Variants in CDYL2 observed in about 807,000 individuals in gnomAD.
CDYL2 encodes the protein chromodomain Y like 2.
In CDYL2, 23 loss-of-function variants were observed where a neutral mutation model predicts 49.4. The observed-to-expected ratio is 0.47, with a 90% confidence interval of 0.34 to 0.66. CDYL2 has a LOEUF of 0.66. Among genes scored for constraint, CDYL2 ranks in the 30% least tolerant of loss-of-function variants. The pLI is 0.01. For missense variants in CDYL2, 678 were observed against 656.4 expected (o/e 1.03, Z -0.36); for synonymous variants, 360 against 268.8 (o/e 1.34, Z -3.32).
chr16:80,650,062 A>G (rs1156853168), intron 2 of CDYL2, among the ~76,000 whole-genome samples: 2 of 152,180 alleles, frequency 1.3e-5, no homozygotes, highest in Admixed American at 6.5e-5. Flanking sequence ...GTCTACGCAA[A>G]AATTTCCTGA....
At chr16:80,661,063 G>C (rs1909023440) in intron 2 of CDYL2, among the ~76,000 whole-genome samples, 2 of 152,106 alleles carry the variant, frequency 1.3e-5, no homozygotes, top group African/African-American at 4.8e-5. Context: ...ATGCAAATAA[G>C]TTTTCAGAAA....
At chr16:80,659,051 T>TGATGGATGGATG (rs57221086) in intron 2 of CDYL2, among the ~76,000 whole-genome samples, 2 of 149,964 alleles carry the variant, frequency 1.3e-5, no homozygotes, top group South Asian at 2.1e-4. Flanking sequence ...ACGATAGAGG[T>TGATGGATGGATG]GATGGATGGA....
intron 2 of CDYL2, among the ~76,000 whole-genome samples, chr16:80,666,422 T>C (rs1269877970): frequency 6.6e-6 from 1 of 152,090 alleles, no homozygotes; most frequent in Non-Finnish European, 1.5e-5. Flanking sequence ...CTGCGCAAAA[T>C]ACAGAGGCTG....
intron 1 of CDYL2, among the ~76,000 whole-genome samples, chr16:80,744,491 G>A (rs1003426295): frequency 1.3e-5 from 2 of 152,048 alleles, no homozygotes; most frequent in Non-Finnish European, 2.9e-5. Flanking sequence ...CCAAAAGAAG[G>A]AAAAAAAGAA....
intron 1 of CDYL2, among the ~76,000 whole-genome samples, chr16:80,750,616 TAG>T (rs1906098522): frequency 1.3e-5 from 2 of 152,118 alleles, no homozygotes; most frequent in South Asian, 4.1e-4. Context: ...TCAAAATTAT[TAG>T]AGAGGAGGGA....
chr16:80,723,571 A>G (rs551236633), intron 1 of CDYL2, among the ~76,000 whole-genome samples: 1 of 152,336 alleles, frequency 6.6e-6, no homozygotes, highest in South Asian at 2.1e-4. Flanking sequence ...TCCCAATGAG[A>G]TACTGATTCC....
At chr16:80,774,771 G>C (rs1907026134) in intron 1 of CDYL2, among the ~76,000 whole-genome samples, 1 of 151,844 alleles carries the variant, frequency 6.6e-6, no homozygotes, top group African/African-American at 2.4e-5. Context: ...ATGAAACACA[G>C]TATACTCAAG....
chr16:80,798,521 T>C (rs1330265858), intron 1 of CDYL2, among the ~76,000 whole-genome samples: 1 of 152,252 alleles, frequency 6.6e-6, no homozygotes, highest in Non-Finnish European at 1.5e-5. Flanking sequence ...TTCTATTCCT[T>C]ATGATTTTTC....
rs78906357 is a variant in CDYL2, at chr16:80,724,820, G to T, written c.25-39691C>A. Among the ~76,000 whole-genome samples, 365 of 152,274 alleles carry T rather than the reference G, an allele frequency of 2.4e-3. 1 individual carries two copies. The highest frequency in any genetic ancestry group is 3.9e-3 in the Non-Finnish European group (262 of 68,018). ...CCAAACCTCTCACCCAGACCTTTGT[G>T]GCAGCTTCCCACATGGTCTTCTTGT... On this transcript the variant is annotated intron_variant, in intron 1 of 6. Transcript: ENST00000570137.
chr16:80,804,674 C>T (rs1908047047), upstream of CDYL2, among the ~76,000 whole-genome samples: 1 of 146,804 alleles, frequency 6.8e-6, no homozygotes, highest in Non-Finnish European at 1.5e-5. Flanking sequence ...CGGCCGCGCC[C>T]CGGGGGACCG....
chr16:80,747,583 G>A (rs897166135), intron 1 of CDYL2, among the ~76,000 whole-genome samples: 4 of 152,128 alleles, frequency 2.6e-5, no homozygotes, highest in Non-Finnish European at 5.9e-5. Context: ...GTAGCTGGTG[G>A]GAATGGGGTG....
intron 1 of CDYL2, among the ~76,000 whole-genome samples, chr16:80,731,065 G>A (rs371135944): frequency 8.5e-5 from 13 of 152,230 alleles, no homozygotes; most frequent in African/African-American, 2.9e-4. Flanking sequence ...ATATGTCAAA[G>A]CTTATCAAAT....
intron 1 of CDYL2, among the ~76,000 whole-genome samples, chr16:80,727,186 C>T (rs943506023): frequency 5.3e-5 from 8 of 152,194 alleles, no homozygotes; most frequent in Non-Finnish European, 1.2e-4. Flanking sequence ...TCTGAGGTAC[C>T]GGGTTCATCT....
intron 1 of CDYL2, among the ~76,000 whole-genome samples, chr16:80,727,903 G>T (rs1319457117): frequency 1.3e-5 from 2 of 152,102 alleles, no homozygotes; most frequent in African/African-American, 4.8e-5. Flanking sequence ...CTGTTAGAAG[G>T]AAAACTAACA....
intron 1 of CDYL2, among the ~76,000 whole-genome samples, chr16:80,769,732 T>C (rs1906844823): frequency 6.6e-6 from 1 of 152,214 alleles, no homozygotes; most frequent in South Asian, 2.1e-4. Context: ...AGCATGCCTT[T>C]ATAGAGACGA....
chr16:80,633,493 A>C (rs1418012513), intron 2 of CDYL2, among the ~76,000 whole-genome samples: 1 of 152,164 alleles, frequency 6.6e-6, no homozygotes, highest in Non-Finnish European at 1.5e-5. Context: ...CTTCTCCCAT[A>C]TATCAGCTTC....
chr16:80,605,536 C>A (rs951691172), intron 6 of CDYL2, among the ~76,000 whole-genome samples: 4 of 149,714 alleles, frequency 2.7e-5, no homozygotes, highest in African/African-American at 9.8e-5. Flanking sequence ...GTAACAATAG[C>A]AATAATAATC....
At chr16:80,608,734 C>T (rs530481668) in intron 5 of CDYL2, among the ~76,000 whole-genome samples, 7 of 152,078 alleles carry the variant, frequency 4.6e-5, no homozygotes, top group Non-Finnish European at 1.0e-4. Context: ...CAAGGACCAT[C>T]CATGGCTGTG....
intron 2 of CDYL2, chr16:80,662,797 G>A (rs1597156160): frequency 4.4e-6 from 2 of 455,102 alleles, no homozygotes; most frequent in East Asian, 1.4e-4. Flanking sequence ...CACACTGTAG[G>A]AAAATCATCA....
Sources: gnomAD v4.1 joint callset for allele counts (sites outside exome capture counted in the v4.1 genomes callset) on GRCh38, gnomAD v4.1.1 for gene constraint, MANE v1.5 for transcripts, NCBI Gene and HGNC (gene_info 2026-07-23, HGNC 2026-07-21) for gene names.